Variants in ILRUN observed in about 807,000 individuals in gnomAD.
ILRUN encodes the protein protein ILRUN.
Under a neutral mutation model 33.8 loss-of-function variants are expected in ILRUN, and 3 were observed. The ratio of observed to expected loss-of-function variants is 0.09; its 90% confidence interval spans 0.04 to 0.23. The LOEUF (loss-of-function observed/expected upper bound fraction) is 0.23. Ranked by LOEUF, ILRUN falls within the 10% of genes least tolerant of loss-of-function variation. The pLI, the probability that ILRUN is intolerant of heterozygous loss-of-function variation, is 1.00. For missense variants in ILRUN, 210 were observed against 375.1 expected, an observed-to-expected ratio of 0.56 and a Z score of 3.64; for synonymous variants, 124 against 138.9, an observed-to-expected ratio of 0.89 and a Z score of 0.75.
At position 34,590,544 on chromosome 6, in the gene ILRUN, T is replaced by C. The variant is rs1761274511; in HGVS notation, c.*21A>G. The C allele has an allele frequency of 1.2e-6, 2 of 1,613,966 alleles. No homozygotes were observed. Among genetic ancestry groups the C allele is most frequent in the South Asian group, 2.2e-5 (2 of 91,072 alleles). On this transcript the variant is annotated 3_prime_UTR_variant, in exon 5 of 5. Coordinates refer to ENST00000374023, the MANE Select transcript of ILRUN (RefSeq NM_024294.4). ...TCAGGCCTTCTGTCTTTTGTTAATTTTTCTTCTTGCTGACACCCGTTTAAG... is the reference window on the plus strand; with the variant it reads ...TCAGGCCTTCTGTCTTTTGTTAATTCTTCTTCTTGCTGACACCCGTTTAAG...
chr6:34,611,102 C>CTTTTT (rs59506285), intron 3 of ILRUN, among the ~76,000 whole-genome samples: 5 of 121,928 alleles, frequency 4.1e-5, no homozygotes, highest in Non-Finnish European at 5.1e-5. Flanking sequence ...TTTCTGATGT[C>CTTTTT]TTTTTTTTTT....
intron 3 of ILRUN, among the ~76,000 whole-genome samples, chr6:34,617,812 C>T (rs190694021): frequency 6.6e-6 from 1 of 152,102 alleles, no homozygotes; most frequent in Non-Finnish European, 1.5e-5. Context: ...AATGCAAATG[C>T]CCCTCAAAAA....
intron 4 of ILRUN, among the ~76,000 whole-genome samples, chr6:34,604,019 A>G (rs1293298863): frequency 6.6e-6 from 1 of 152,234 alleles, no homozygotes; most frequent in African/African-American, 2.4e-5. Flanking sequence ...TAGATTAAGA[A>G]AAAAAGGAGA....
intron 3 of ILRUN, among the ~76,000 whole-genome samples, chr6:34,609,317 C>G (rs1292587361): frequency 6.6e-6 from 1 of 152,126 alleles, no homozygotes; most frequent in Non-Finnish European, 1.5e-5. Flanking sequence ...GGCAAAAACC[C>G]TGTCTCTACT....
At chr6:34,614,314 C>T (rs1365799309) in intron 3 of ILRUN, among the ~76,000 whole-genome samples, 2 of 150,962 alleles carry the variant, frequency 1.3e-5, no homozygotes, top group Non-Finnish European at 2.9e-5. Flanking sequence ...CCCAGCTACT[C>T]GGGAGGCTGA....
intron 2 of ILRUN, among the ~76,000 whole-genome samples, chr6:34,650,985 C>T (rs1762655571): frequency 6.6e-6 from 1 of 152,022 alleles, no homozygotes; most frequent in Non-Finnish European, 1.5e-5. Flanking sequence ...GGAAAAACTG[C>T]CAAGGCCTGC....
intron 4 of ILRUN, among the ~76,000 whole-genome samples, chr6:34,598,515 A>C (rs1172042349): frequency 6.6e-6 from 1 of 152,220 alleles, no homozygotes. Context: ...TGCTGAATTC[A>C]GAGTATGGGG....
chr6:34,590,728 G>A (rs1457469110), intron 4 of ILRUN, 128 bp from the exon 5 acceptor site: 10 of 709,998 alleles, frequency 1.4e-5, no homozygotes, highest in Non-Finnish European at 2.6e-5. Context: ...AGGCCTGAGG[G>A]TCTTTGCCAT....
chr6:34,615,482 G>C (rs1761866642), intron 3 of ILRUN, among the ~76,000 whole-genome samples: 1 of 152,094 alleles, frequency 6.6e-6, no homozygotes, highest in African/African-American at 2.4e-5. Flanking sequence ...TGTAATCCCA[G>C]CTACTGGGGA....
At chr6:34,623,883 G>A (rs949888254) in intron 3 of ILRUN, among the ~76,000 whole-genome samples, 3 of 152,152 alleles carry the variant, frequency 2.0e-5, no homozygotes, top group Non-Finnish European at 4.4e-5. Flanking sequence ...CCAGGCTGGA[G>A]TGCAGTGTCA....
At chr6:34,678,054 A>AT (rs1337922603) in intron 1 of ILRUN, among the ~76,000 whole-genome samples, 2 of 148,650 alleles carry the variant, frequency 1.3e-5, no homozygotes, top group East Asian at 2.0e-4. Context: ...TTTTAATTTT[A>AT]TTTTTTGAGA....
intron 1 of ILRUN, among the ~76,000 whole-genome samples, chr6:34,682,267 T>TG (rs1763381823): frequency 1.4e-5 from 2 of 139,722 alleles, no homozygotes; most frequent in East Asian, 2.0e-4. Flanking sequence ...TTTTTTTTTT[T>TG]TTTTTTTTTT....
intron 1 of ILRUN, among the ~76,000 whole-genome samples, chr6:34,682,827 T>TG (rs1763396070): frequency 6.6e-6 from 1 of 152,082 alleles, no homozygotes; most frequent in South Asian, 2.1e-4. Flanking sequence ...GCGTGATGAT[T>TG]GAGTGTTCAC....
Position 34,686,637 on chromosome 6 carries a change from G to T in ILRUN, c.158+9809C>A, listed in dbSNP as rs1763524674. On this transcript the variant is annotated intron_variant, in intron 1 of 4. Transcript: ENST00000374023. Reference sequence around the variant, plus strand: ...CTAAAAGCCACCAGACTTTCTATAAGAAGTATGGCAAACACCAACCCCACA... The same window carrying T: ...CTAAAAGCCACCAGACTTTCTATAATAAGTATGGCAAACACCAACCCCACA... 5 of 211,580 alleles carry T rather than the reference G, an allele frequency of 2.4e-5. No individual in the cohort carries two copies. The South Asian group carries it at 4.3e-4, about 18-fold the overall frequency. 13.1% of individuals were successfully genotyped at this position (211,580 alleles called of 1,614,324 possible). A position where few individuals can be genotyped will look rare whatever the true frequency, so the allele number is the denominator to read the frequency against.
chr6:34,651,661 G>A lies in ILRUN; in HGVS notation c.313+2964C>T, dbSNP rs1437640230. Among the ~76,000 whole-genome samples, 5 of 150,230 alleles carry A rather than the reference G, an allele frequency of 3.3e-5. 1 individual carries two copies. In the East Asian group the frequency reaches 7.8e-4, roughly 23 times the overall value. ...TTGTTTTCACTATTAAGTAAACAAG[G>A]TACTGACTTCACTTTAAAATAAACA... On this transcript the variant is annotated intron_variant, in intron 2 of 4. Transcript: ENST00000374023.
intron 3 of ILRUN, among the ~76,000 whole-genome samples, chr6:34,633,139 T>C (rs1194519922): frequency 6.6e-6 from 1 of 152,180 alleles, no homozygotes; most frequent in African/African-American, 2.4e-5. Flanking sequence ...GTGGCTATAC[T>C]AGTATCAAAG....
intron 1 of ILRUN, among the ~76,000 whole-genome samples, chr6:34,693,468 C>A (rs1763690046): frequency 6.7e-6 from 1 of 149,550 alleles, no homozygotes; most frequent in Non-Finnish European, 1.5e-5. Context: ...GATCTTCCTA[C>A]CTCAGGCTCC....
intron 1 of ILRUN, among the ~76,000 whole-genome samples, chr6:34,658,483 T>C: frequency 6.9e-6 from 1 of 144,494 alleles, no homozygotes; most frequent in South Asian, 2.2e-4. Context: ...AAATAATTTT[T>C]CTTTTTCTTT....
At chr6:34,640,279 T>C (rs1366438973) in intron 3 of ILRUN, among the ~76,000 whole-genome samples, 4 of 151,850 alleles carry the variant, frequency 2.6e-5, no homozygotes, top group Non-Finnish European at 4.4e-5. Flanking sequence ...GCACGCCCAC[T>C]GAGAAACTCT....
Sources: gnomAD v4.1 joint callset for allele counts (sites outside exome capture counted in the v4.1 genomes callset) on GRCh38, gnomAD v4.1.1 for gene constraint, MANE v1.5 for transcripts, NCBI Gene and HGNC (gene_info 2026-07-23, HGNC 2026-07-21) for gene names.